The following HTR1F variants were observed in gnomAD, a reference collection of about 807,000 sequenced individuals.
HTR1F encodes 5-hydroxytryptamine (serotonin) receptor 1F, G protein-coupled.
HTR1F carries 17 observed loss-of-function variants against 24.0 expected under a neutral mutation model. The ratio of observed to expected loss-of-function variants is 0.71; its 90% CI spans 0.48 to 1.06. The LOEUF (loss-of-function observed/expected upper bound fraction) is 1.06. HTR1F is among the 50% of genes least tolerant of loss of function. HTR1F has a pLI of 0.00. For missense variants in HTR1F, 391 were observed against 427.8 expected (o/e 0.91, Z 0.76); for synonymous variants, 186 against 156.8 (o/e 1.19, Z -1.39).
intron 2 of HTR1F, among the ~76,000 whole-genome samples, chr3:87,978,775 G>A (rs1213908134): frequency 1.3e-5 from 2 of 150,212 alleles, no homozygotes; most frequent in East Asian, 4.0e-4. Flanking sequence ...AAGGAGAGAG[G>A]GAGAGAGGGA....
intron 2 of HTR1F, among the ~76,000 whole-genome samples, chr3:87,896,667 A>G (rs1029950271): frequency 7.2e-5 from 11 of 152,228 alleles, no homozygotes; most frequent in South Asian, 4.1e-4. Flanking sequence ...TGCAAATCAT[A>G]TATCTGAAAA....
chr3:87,847,672 A>G (rs1449988579), intron 2 of HTR1F, among the ~76,000 whole-genome samples: 1 of 151,726 alleles, frequency 6.6e-6, no homozygotes, highest in African/African-American at 2.4e-5. Flanking sequence ...CCTGTAACCA[A>G]CCTCTCTTTA....
intron 2 of HTR1F, among the ~76,000 whole-genome samples, chr3:87,839,012 A>AT (rs1559600487): frequency 3.5e-5 from 5 of 142,948 alleles, no homozygotes; most frequent in African/African-American, 1.0e-4. Context: ...TATTTATTTT[A>AT]TTTTTATTTT....
At chr3:87,936,098 C>T (rs1328370923) in intron 2 of HTR1F, among the ~76,000 whole-genome samples, 1 of 152,154 alleles carries the variant, frequency 6.6e-6, no homozygotes, top group Non-Finnish European at 1.5e-5. Flanking sequence ...GATCCTCCCA[C>T]CTTGGCCTCC....
intron 2 of HTR1F, among the ~76,000 whole-genome samples, chr3:87,929,638 T>C (rs1000544752): frequency 6.6e-6 from 1 of 152,204 alleles, no homozygotes; most frequent in Non-Finnish European, 1.5e-5. Context: ...CTGGGCTCTC[T>C]ACTCAGTTCC....
At chr3:87,807,506 G>A (rs1704093131) in intron 1 of HTR1F, among the ~76,000 whole-genome samples, 1 of 151,738 alleles carries the variant, frequency 6.6e-6, no homozygotes, top group Non-Finnish European at 1.5e-5. Context: ...AATTTATCAG[G>A]TCTAAGAGTT....
chr3:87,807,741 G>A (rs1344135899), intron 1 of HTR1F, among the ~76,000 whole-genome samples: 1 of 151,790 alleles, frequency 6.6e-6, no homozygotes, highest in Non-Finnish European at 1.5e-5. Context: ...ATTCAGCATG[G>A]TGTTACCTGT....
At chr3:87,904,119 C>G (rs2938270) in intron 2 of HTR1F, among the ~76,000 whole-genome samples, 57,940 of 151,874 alleles carry the variant, frequency 0.38, 15,541 homozygotes, top group African/African-American at 0.77. Flanking sequence ...CATAAAAAAA[C>G]GTTTACAACA....
At chr3:87,840,686 G>A (rs115743886) in intron 2 of HTR1F, among the ~76,000 whole-genome samples, 3,590 of 150,152 alleles carry the variant, frequency 0.024, 67 homozygotes, top group Non-Finnish European at 0.031. Flanking sequence ...GCTCAATATT[G>A]TTCATCATTA....
chr3:87,861,917 A>G (rs1343858252), intron 2 of HTR1F, among the ~76,000 whole-genome samples: 1 of 152,206 alleles, frequency 6.6e-6, no homozygotes, highest in Non-Finnish European at 1.5e-5. Context: ...TCAAAACCAT[A>G]TAGCCATGTA....
intron 2 of HTR1F, among the ~76,000 whole-genome samples, chr3:87,847,928 G>T (rs148017383): frequency 5.9e-5 from 9 of 151,820 alleles, no homozygotes; most frequent in Non-Finnish European, 1.3e-4. Context: ...TTTTAAATGC[G>T]TTTGTTCACT....
intron 2 of HTR1F, among the ~76,000 whole-genome samples, chr3:87,835,466 A>G (rs1704665304): frequency 6.6e-6 from 1 of 152,226 alleles, no homozygotes; most frequent in Non-Finnish European, 1.5e-5. Context: ...CAACATAATG[A>G]AATATGATGC....
chr3:87,820,716 T>C (rs1704342715), intron 1 of HTR1F, among the ~76,000 whole-genome samples: 1 of 152,088 alleles, frequency 6.6e-6, no homozygotes, highest in African/African-American at 2.4e-5. Flanking sequence ...TTAAAATTAA[T>C]TTAATAAATT....
At chr3:87,914,484 C>T (rs1703848535) in intron 2 of HTR1F, among the ~76,000 whole-genome samples, 1 of 152,086 alleles carries the variant, frequency 6.6e-6, no homozygotes, top group Non-Finnish European at 1.5e-5. Context: ...GGCCCAGAAA[C>T]ACACAGTGCT....
intron 2 of HTR1F, among the ~76,000 whole-genome samples, chr3:87,906,725 T>C (rs757780618): frequency 1.1e-4 from 16 of 150,710 alleles, no homozygotes; most frequent in Non-Finnish European, 1.9e-4. Context: ...CCAAAGTTCA[T>C]TGTATCATTC....
intron 2 of HTR1F, among the ~76,000 whole-genome samples, chr3:87,877,351 G>C (rs1705692776): frequency 6.6e-6 from 1 of 151,956 alleles, no homozygotes; most frequent in Non-Finnish European, 1.5e-5. Context: ...AATTTTATTT[G>C]CCCTTTCTCT....
intron 1 of HTR1F, among the ~76,000 whole-genome samples, chr3:87,807,217 C>A (rs1488556610): frequency 4.6e-5 from 7 of 151,842 alleles, no homozygotes; most frequent in Admixed American, 4.6e-4. Context: ...TCACAAGGGG[C>A]AGTATGGTCA....
intron 2 of HTR1F, among the ~76,000 whole-genome samples, chr3:87,951,346 T>C (rs1389518159): frequency 1.3e-5 from 2 of 152,122 alleles, no homozygotes; most frequent in East Asian, 1.9e-4. Context: ...TTTTAGTTCA[T>C]CTTCTTAGCA....
chr3:87,987,746 AATATATGTATTAT>A (rs1162494103), intron 2 of HTR1F, among the ~76,000 whole-genome samples: 3 of 140,168 alleles, frequency 2.1e-5, no homozygotes, highest in East Asian at 2.0e-4. Flanking sequence ...ATATATATAA[AATATATGTATTAT>A]ATATATGTAT....
Sources: gnomAD v4.1 joint callset for allele counts (sites outside exome capture counted in the v4.1 genomes callset) on GRCh38, gnomAD v4.1.1 for gene constraint, MANE v1.5 for transcripts, NCBI Gene and HGNC (gene_info 2026-07-23, HGNC 2026-07-21) for gene names.